The following NBR1 variants were observed in gnomAD, a reference collection of about 807,000 sequenced individuals.
NBR1 encodes the protein NBR1 autophagy cargo receptor.
NBR1 carries 59 observed loss-of-function variants against 115.5 expected under a neutral mutation model. That is an observed-to-expected ratio of 0.51 (90% CI 0.41 to 0.63). The LOEUF (loss-of-function observed/expected upper bound fraction) is 0.63. Among genes scored for constraint, NBR1 ranks in the 30% least tolerant of loss-of-function variants. The pLI is 0.00. For synonymous variants in NBR1, 373 were observed against 414.7 expected (o/e 0.90, Z 1.22); for missense variants, 1,043 against 1,150.5 (o/e 0.91, Z 1.35).
intron 15 of NBR1, 62 bp downstream of exon 15, chr17:43,196,653 A>G: frequency 8.0e-7 from 1 of 1,249,214 alleles, no homozygotes; most frequent in South Asian, 1.3e-5. Context: ...ACCCTATTTT[A>G]CAGCTATCCC....
chr17:43,174,584 C>T (rs750491733), intron 1 of NBR1, among the ~76,000 whole-genome samples: 1 of 151,688 alleles, frequency 6.6e-6, no homozygotes, highest in Non-Finnish European at 1.5e-5. Context: ...GACGACAGAA[C>T]AAGACTCTAT....
At position 43,189,037 on chromosome 17, in the gene NBR1, C is replaced by T. The variant is rs1293798242; in HGVS notation, c.403-5C>T. 1.2e-6 allele frequency: 2 copies of T among 1,605,156 alleles called. No individual in the cohort carries two copies. Among genetic ancestry groups the T allele is most frequent in the East Asian group, 4.5e-5 (2 of 44,854 alleles). Reference sequence around the variant, plus strand: ...TCTAACATCTCGGCTTGTGTTTTCTCCCAGTCGTTTCCACTTGTTCCATGT... The same window carrying T: ...TCTAACATCTCGGCTTGTGTTTTCTTCCAGTCGTTTCCACTTGTTCCATGT... On this transcript the variant is annotated splice_region_variant and splice_polypyrimidine_tract_variant and intron_variant, in intron 6 of 20. Transcript: ENST00000590996.
chr17:43,197,379 C>T (rs1396430660), intron 16 of NBR1, among the ~76,000 whole-genome samples: 6 of 151,908 alleles, frequency 3.9e-5, no homozygotes, highest in Non-Finnish European at 7.4e-5. Context: ...ATTAGCCTGG[C>T]GACGTGGCGG....
rs886861187 is a variant in NBR1 at position 43,210,391 on chromosome 17, CTG to C, written c.*318_*319del. 4.0e-4 allele frequency: 156 copies of C among 394,820 alleles called. No individual in the cohort carries two copies. Among genetic ancestry groups the C allele is most frequent in the African/African-American group, 3.1e-3 (149 of 48,692 alleles). The allele number at this position is 394,820 out of a possible 1,614,324, so 24.5% of individuals were successfully genotyped here. ...ATTTTTCTTTCTGCTTTTATTGAAA[CTG>C]AGTATTTTTCTTTGGCTAATGTGGA... On this transcript the variant is annotated 3_prime_UTR_variant, in exon 21 of 21. Transcript: ENST00000590996.
At chr17:43,207,823 T>A (rs1366035680) in intron 20 of NBR1, among the ~76,000 whole-genome samples, 1 of 152,220 alleles carries the variant, frequency 6.6e-6, no homozygotes, top group Non-Finnish European at 1.5e-5. Flanking sequence ...GATCCATAGA[T>A]GAGGAACCCA....
intron 15 of NBR1, 140 bp downstream of exon 15, chr17:43,196,731 C>A: frequency 1.2e-6 from 1 of 850,192 alleles, no homozygotes; most frequent in Non-Finnish European, 1.9e-6. Context: ...GAAGTCTCCT[C>A]ACCTTCACAT....
At chr17:43,185,051 T>C (rs2154582085) in intron 5 of NBR1, among the ~76,000 whole-genome samples, 1 of 149,676 alleles carries the variant, frequency 6.7e-6, no homozygotes, top group African/African-American at 2.5e-5. Flanking sequence ...ATTGCATCAC[T>C]GCACTCTAGC....
chr17:43,172,057 G>GA (rs539119419), intron 1 of NBR1, among the ~76,000 whole-genome samples: 6 of 150,908 alleles, frequency 4.0e-5, no homozygotes, highest in African/African-American at 7.3e-5. Context: ...TGTTGAGGCT[G>GA]AAAAAAAAAT....
At chr17:43,171,125 T>C (rs1046729355), upstream of NBR1, 1 of 152,592 alleles carries the variant, frequency 6.6e-6, no homozygotes, top group African/African-American at 2.4e-5. Context: ...AATGGCGTGG[T>C]CGTTTTGAGG....
intron 2 of NBR1, chr17:43,176,649 G>C (rs2154581935): frequency 6.6e-6 from 1 of 151,298 alleles, no homozygotes; most frequent in Non-Finnish European, 1.5e-5. Flanking sequence ...ATCAGTGACA[G>C]TGAGACCCGT....
chr17:43,189,232 G>A, intron 7 of NBR1, 113 bp downstream of exon 7: 1 of 779,910 alleles, frequency 1.3e-6, no homozygotes, highest in Admixed American at 2.0e-5. Flanking sequence ...GTGAAGAGTG[G>A]TAGCTTATAA....
chr17:43,198,421 G>T (rs940480235), intron 16 of NBR1, among the ~76,000 whole-genome samples: 2 of 152,044 alleles, frequency 1.3e-5, no homozygotes, highest in African/African-American at 4.8e-5. Context: ...TTGTGAGGCC[G>T]AGGCGGACAG....
chr17:43,179,900 T>C lies in NBR1; in HGVS notation c.184+488T>C, dbSNP rs186792802. ...TGAAATGATAGTATTAACATTGAAC[T>C]CTCAGTGCGTAAATGTGAGGGACCT... On this transcript the variant is annotated intron_variant, in intron 4 of 20. Transcript: ENST00000590996. Among the ~76,000 whole-genome samples the C allele has an allele frequency of 8.1e-5, 12 of 147,438 alleles. No individual in the cohort carries two copies. The East Asian group carries it at 2.2e-3, about 27-fold the overall frequency.
Position 43,196,462 on chromosome 17 carries a change from T to G in NBR1, c.1751-19T>G. ...GATGCTTTCTCTTGATTGATGGTTCTCCTGTCTTCATTCTCCAGATGTGAC... is the reference window on the plus strand; with the variant it reads ...GATGCTTTCTCTTGATTGATGGTTCGCCTGTCTTCATTCTCCAGATGTGAC... On this transcript the variant is annotated intron_variant, in intron 14 of 20. Transcript: ENST00000590996. 10 of 1,433,998 alleles carry G rather than the reference T, an allele frequency of 7.0e-6. No homozygotes were observed. The highest frequency in any genetic ancestry group is 8.5e-6 in the Non-Finnish European group (9 of 1,054,250). The allele number at this position is 1,433,998 out of a possible 1,614,324, so 88.8% of individuals were successfully genotyped here.
At position 43,201,099 on chromosome 17, in the gene NBR1, C is replaced by T. The variant is rs2057188071; in HGVS notation, c.2468+491C>T. Among the ~76,000 whole-genome samples, 4 of 152,230 alleles carry T rather than the reference C, an allele frequency of 2.6e-5. No homozygotes were observed. In the South Asian group the frequency reaches 8.3e-4, roughly 32 times the overall value. ...GTCCAGGCTGGTCTTGAACTCCTGG[C>T]CTTAAGCGATCCAACTGCCTGGGTC... On this transcript the variant is annotated intron_variant, in intron 17 of 20. Transcript: ENST00000590996.
chr17:43,190,678 C>T lies in NBR1; in HGVS notation c.765C>T (p.Val255=). Residue 255 remains valine, a synonymous_variant, in exon 9 of 21, where the codon GTC becomes GTT. Coordinates refer to ENST00000590996, the MANE Select transcript of NBR1 (RefSeq NM_005899.5). ...CATATGGCCATGACACTAACCACGT[C>T]CTGCTGAAGTTGCGGAGACCTGTTG... ...AGPYGHDTNH[V]LLKLRRPVVG... The T allele has an allele frequency of 1.9e-6, 3 of 1,613,750 alleles. No individual in the cohort carries two copies. Among genetic ancestry groups the T allele is most frequent in the African/African-American group, 1.3e-5 (1 of 75,054 alleles).
intron 1 of NBR1, among the ~76,000 whole-genome samples, chr17:43,175,582 CCTAT>C (rs1489925129): frequency 6.6e-6 from 1 of 152,146 alleles, no homozygotes; most frequent in Non-Finnish European, 1.5e-5. Flanking sequence ...ATGGTTTTAG[CCTAT>C]CTTTCTTTCC....
chr17:43,185,164 C>G (rs1303789383), intron 5 of NBR1, among the ~76,000 whole-genome samples: 1 of 151,216 alleles, frequency 6.6e-6, no homozygotes, highest in Non-Finnish European at 1.5e-5. Context: ...CATCTTAAAA[C>G]CTACTTTTAT....
Position 43,210,224 on chromosome 17 carries a change from T to C in NBR1, c.*150T>C. 1 of 608,852 alleles carries C rather than the reference T, an allele frequency of 1.6e-6. No homozygotes were observed. Among genetic ancestry groups the C allele is most frequent in the East Asian group, 3.4e-5 (1 of 29,640 alleles). The allele number at this position is 608,852 out of a possible 1,614,324, so 37.7% of individuals were successfully genotyped here. A position where few individuals can be genotyped will look rare whatever the true frequency, so the allele number is the denominator to read the frequency against. On this transcript the variant is annotated 3_prime_UTR_variant, in exon 21 of 21. Coordinates refer to ENST00000590996, the MANE Select transcript of NBR1 (RefSeq NM_005899.5). ...GTTACCAAGACAATACCTGCTACAG[T>C]ATTTTGGGGAGCAAACTAAAGACCA...
Sources: gnomAD v4.1 joint callset for allele counts (sites outside exome capture counted in the v4.1 genomes callset) on GRCh38, gnomAD v4.1.1 for gene constraint, MANE v1.5 for transcripts, NCBI Gene and HGNC (gene_info 2026-07-23, HGNC 2026-07-21) for gene names.